RTN4RL1: variants seen among roughly 807,000 people sequenced by gnomAD.
RTN4RL1 encodes the protein reticulon-4 receptor-like 1.
In RTN4RL1, 7 loss-of-function variants were observed where a neutral mutation model predicts 25.6. The observed-to-expected ratio is 0.27, with a 90% confidence interval of 0.16 to 0.51. RTN4RL1 has a LOEUF of 0.51. RTN4RL1 is among the 20% of genes least tolerant of loss of function. RTN4RL1 has a pLI of 0.97. For missense variants in RTN4RL1, 500 were observed against 615.6 expected (o/e 0.81, Z 1.99); for synonymous variants, 297 against 288.2 (o/e 1.03, Z -0.31).
intron 1 of RTN4RL1, chr17:2,020,051 A>G (rs1470012003): frequency 5.3e-5 from 8 of 152,128 alleles, no homozygotes; most frequent in Admixed American, 2.0e-4. Context: ...TTTTTCTGGC[A>G]TAAGGACCCG....
chr17:1,953,124 A>T (rs964146434), intron 1 of RTN4RL1, among the ~76,000 whole-genome samples: 8 of 151,578 alleles, frequency 5.3e-5, no homozygotes, highest in Non-Finnish European at 1.5e-5. Context: ...AATAAAAATT[A>T]AGGCGAGACA....
intron 1 of RTN4RL1, among the ~76,000 whole-genome samples, chr17:1,969,303 C>G (rs552081476): frequency 6.6e-6 from 1 of 151,964 alleles, no homozygotes; most frequent in Non-Finnish European, 1.5e-5. Context: ...GTGATCCACC[C>G]GCCTCGGCCT....
At chr17:2,014,184 GA>G (rs1490821973) in intron 1 of RTN4RL1, among the ~76,000 whole-genome samples, 2 of 152,212 alleles carry the variant, frequency 1.3e-5, no homozygotes, top group African/African-American at 4.8e-5. Flanking sequence ...GGAGGGTGTG[GA>G]AGCCCACTGT....
chr17:1,971,927 A>C (rs1409388378), intron 1 of RTN4RL1, among the ~76,000 whole-genome samples: 3 of 135,288 alleles, frequency 2.2e-5, no homozygotes, highest in Admixed American at 7.7e-5. Flanking sequence ...GCGCCACTGC[A>C]CTCCAGCCTG....
rs914907945 is a variant in RTN4RL1, at chr17:2,024,959, G to C, written c.-94C>G. 5 of 1,357,390 alleles carry C rather than the reference G, an allele frequency of 3.7e-6. No individual in the cohort carries two copies. The African/African-American group carries it at 7.5e-5, about 20-fold the overall frequency. The allele number at this position is 1,357,390 out of a possible 1,614,324, so 84.1% of individuals were successfully genotyped here. The stretch of plus-strand genomic sequence containing the variant: ...CCTGGGCGCCAGCTGCAGCTAATCC[G>C]AGCGCGTCGAGGCGGGGGCAAGCCG... On this transcript the variant is annotated 5_prime_UTR_variant, in exon 1 of 2. Transcript: ENST00000331238.
At chr17:1,963,198 G>C (rs1231527936) in intron 1 of RTN4RL1, among the ~76,000 whole-genome samples, 1 of 152,278 alleles carries the variant, frequency 6.6e-6, no homozygotes, top group Middle Eastern at 3.4e-3. Flanking sequence ...GCTTCCCATT[G>C]GCCCTCCCCA....
chr17:1,937,864 C>A, intron 1 of RTN4RL1, 56 bp from the exon 2 acceptor site: 5 of 1,359,490 alleles, frequency 3.7e-6, no homozygotes, highest in Non-Finnish European at 5.0e-6. Flanking sequence ...AGGACTGGCA[C>A]CGCACCCTCC....
intron 1 of RTN4RL1, among the ~76,000 whole-genome samples, chr17:1,959,762 G>A (rs995960403): frequency 2.6e-5 from 4 of 152,162 alleles, no homozygotes; most frequent in East Asian, 1.9e-4. Context: ...ACGGGGTTTC[G>A]CCATGTGGGC....
intron 1 of RTN4RL1, among the ~76,000 whole-genome samples, chr17:1,956,871 G>A (rs1215840213): frequency 6.6e-6 from 1 of 151,836 alleles, no homozygotes; most frequent in Non-Finnish European, 1.5e-5. Context: ...CACTCCCCGA[G>A]TAGCTGGGAT....
intron 1 of RTN4RL1, among the ~76,000 whole-genome samples, chr17:1,949,520 C>G (rs1252609232): frequency 1.3e-5 from 2 of 152,180 alleles, no homozygotes; most frequent in African/African-American, 2.4e-5. Flanking sequence ...GGTCCTTGTT[C>G]CCCAGCCCCG....
At chr17:2,001,955 G>A (rs1002231711) in intron 1 of RTN4RL1, among the ~76,000 whole-genome samples, 20 of 152,082 alleles carry the variant, frequency 1.3e-4, no homozygotes, top group African/African-American at 4.8e-4. Flanking sequence ...GGAGTGGGGG[G>A]AGCTCAGGCA....
chr17:1,937,474 C>G lies in RTN4RL1; in HGVS notation c.348G>C (p.Leu116=). ...DLGDNRQLRT[L]APETFQGLVK... ...CCAGGCCCTGGAAGGTCTCGGGTGC[C>G]AGCGTCCGCAGCTGCCGGTTGTCGC... is the stretch of plus-strand genomic sequence containing the variant. The change falls in exon 2 of 2, where the codon CTG becomes CTC. Residue 116 remains leucine (L), a synonymous_variant. Transcript: ENST00000331238. 6.2e-7 allele frequency: 1 copy of G among 1,613,964 alleles called. No homozygotes were observed. The highest frequency in any genetic ancestry group is 8.5e-7 in the Non-Finnish European group (1 of 1,179,900).
At chr17:1,983,891 AACCT>A (rs2066877642) in intron 1 of RTN4RL1, among the ~76,000 whole-genome samples, 1 of 152,008 alleles carries the variant, frequency 6.6e-6, no homozygotes, top group Admixed American at 6.6e-5. Flanking sequence ...GGGTCCACAA[AACCT>A]TTAGGCTCCA....
intron 1 of RTN4RL1, among the ~76,000 whole-genome samples, chr17:2,022,663 A>C (rs1042446885): frequency 1.3e-5 from 2 of 152,264 alleles, no homozygotes; most frequent in African/African-American, 4.8e-5. Context: ...CTGCCTGCCC[A>C]GGAAAGAACC....
At chr17:1,982,070 C>A in intron 1 of RTN4RL1, among the ~76,000 whole-genome samples, 1 of 152,144 alleles carries the variant, frequency 6.6e-6, no homozygotes, top group East Asian at 1.9e-4. Flanking sequence ...GAGGCCGAGG[C>A]GGGTGGATCA....
intron 1 of RTN4RL1, among the ~76,000 whole-genome samples, chr17:2,024,643 G>A (rs1328292678): frequency 1.3e-5 from 2 of 152,252 alleles, no homozygotes; most frequent in East Asian, 1.9e-4. Context: ...CTGGCCACTC[G>A]ATCCATGGAG....
intron 1 of RTN4RL1, among the ~76,000 whole-genome samples, chr17:1,960,266 T>C (rs1041149952): frequency 1.3e-5 from 2 of 150,352 alleles, no homozygotes; most frequent in Non-Finnish European, 3.0e-5. Flanking sequence ...GTCTCCCTGT[T>C]TATATTGCAG....
At chr17:1,979,574 A>G (rs1186138809) in intron 1 of RTN4RL1, among the ~76,000 whole-genome samples, 3 of 152,304 alleles carry the variant, frequency 2.0e-5, no homozygotes, top group African/African-American at 4.8e-5. Context: ...TAACTGCCCA[A>G]CTGACTCACC....
intron 1 of RTN4RL1, among the ~76,000 whole-genome samples, chr17:1,947,670 C>T (rs1010115020): frequency 6.6e-6 from 1 of 152,238 alleles, no homozygotes; most frequent in Non-Finnish European, 1.5e-5. Context: ...TAGGCCGCCA[C>T]ATTCTCAGGG....
Sources: allele counts gnomAD v4.1 joint callset (sites outside exome capture counted in the v4.1 genomes callset), GRCh38; gene constraint gnomAD v4.1.1; transcripts MANE v1.5; gene names NCBI Gene and HGNC (gene_info 2026-07-23, HGNC 2026-07-21).